The following PDLIM5 variants were observed in gnomAD, a reference collection of about 807,000 sequenced individuals.
PDLIM5 encodes PDZ and LIM domain protein 5.
Under a neutral mutation model 64.2 loss-of-function variants are expected in PDLIM5, and 34 were observed. That is an observed-to-expected ratio of 0.53 (90% CI 0.40 to 0.71). The LOEUF (loss-of-function observed/expected upper bound fraction) is 0.71, where lower values mean the gene tolerates loss of function less well. PDLIM5 is among the 30% of genes least tolerant of loss of function. PDLIM5 has a pLI of 0.00. For missense variants in PDLIM5, 683 were observed against 733.6 expected, an observed-to-expected ratio of 0.93 and a Z score of 0.80; for synonymous variants, 253 against 269.1, an observed-to-expected ratio of 0.94 and a Z score of 0.59.
intron 7 of PDLIM5, among the ~76,000 whole-genome samples, chr4:94,596,760 C>G (rs964337112): frequency 2.5e-5 from 3 of 119,712 alleles, no homozygotes; most frequent in African/African-American, 8.1e-5. Context: ...GAAAATTGAA[C>G]CAATATATTA....
intron 5 of PDLIM5, among the ~76,000 whole-genome samples, chr4:94,583,832 A>G (rs773792663): frequency 6.6e-6 from 1 of 152,194 alleles, no homozygotes; most frequent in Admixed American, 6.5e-5. Context: ...CATTATGATG[A>G]TCATTACCTC....
In PDLIM5 at chr4:94,537,881, G is replaced by A. The variant is rs7683923; in HGVS notation, c.248+14006G>A. Among the ~76,000 whole-genome samples the A allele has an allele frequency of 5.7e-3, 874 of 152,206 alleles. 6 individuals carry two copies. The highest frequency in any genetic ancestry group is 0.02 in the African/African-American group (827 of 41,530). ...TCTTTTTAAGTACAGAAATTTTAAA[G>A]TATTTTTATTGCTCAGTAATTATAA... On this transcript the variant is annotated intron_variant, in intron 3 of 12. Transcript: ENST00000317968.
rs148840870 is a variant in PDLIM5, at chr4:94,523,640, G to A, written c.97-84G>A. On this transcript the variant is annotated intron_variant, in intron 2 of 12. Coordinates refer to ENST00000317968, the MANE Select transcript of PDLIM5 (RefSeq NM_006457.5). ...TTCAATAGTATATTAATATACTTTTGGTATAAGCAAAAGTATAATTTTTAT... is the reference window on the plus strand; with the variant it reads ...TTCAATAGTATATTAATATACTTTTAGTATAAGCAAAAGTATAATTTTTAT... 73 of 962,606 alleles carry A rather than the reference G, an allele frequency of 7.6e-5. No individual in the cohort carries two copies. The East Asian group carries it at 1.6e-3, about 21-fold the overall frequency. The allele number at this position is 962,606 out of a possible 1,614,324, so 59.6% of individuals were successfully genotyped here.
rs1271312876 is a variant in PDLIM5, at chr4:94,455,262, G to A, written c.-27G>A. 7.4e-7 allele frequency: 1 copy of A among 1,359,558 alleles called. No individual in the cohort carries two copies. The highest frequency in any genetic ancestry group is 2.3e-5 in the East Asian group (1 of 43,604). 84.2% of individuals were successfully genotyped at this position (1,359,558 alleles called of 1,614,324 possible). A position where few individuals can be genotyped will look rare whatever the true frequency, so the allele number is the denominator to read the frequency against. On this transcript the variant is annotated 5_prime_UTR_variant, in exon 2 of 13. Coordinates refer to ENST00000317968, the MANE Select transcript of PDLIM5 (RefSeq NM_006457.5). ...TCTTTCACAGCATATTTCATTTTCT[G>A]TCATTGGACTTTGAGCCATTAGAAC... is the stretch of plus-strand genomic sequence containing the variant.
At chr4:94,456,563 T>C in intron 2 of PDLIM5, 2 of 715,620 alleles carry the variant, frequency 2.8e-6, no homozygotes, top group East Asian at 5.4e-5. Context: ...TATTAATATA[T>C]AAGGAGGTAT....
At chr4:94,526,528 G>A (rs1323657353) in intron 3 of PDLIM5, among the ~76,000 whole-genome samples, 1 of 152,110 alleles carries the variant, frequency 6.6e-6, no homozygotes, top group Admixed American at 6.6e-5. Context: ...GGTAATGTCA[G>A]CCTGTTTTGA....
intron 2 of PDLIM5, among the ~76,000 whole-genome samples, chr4:94,482,697 T>A (rs576360212): frequency 1.3e-5 from 2 of 152,186 alleles, no homozygotes; most frequent in South Asian, 4.1e-4. Context: ...GAGACCAGCC[T>A]GAGCAACATA....
In PDLIM5 at chr4:94,607,469, A is replaced by G. The variant is rs181083687; in HGVS notation, c.921-10535A>G. On this transcript the variant is annotated intron_variant, in intron 7 of 12. Transcript: ENST00000317968. ...AGAAAATTAAAGTAAAGAATACTCA[A>G]AACCCTACGATTGCATGCCACCATC... is the stretch of plus-strand genomic sequence containing the variant. Among the ~76,000 whole-genome samples the G allele has an allele frequency of 1.9e-3, 285 of 152,326 alleles. 1 individual carries two copies. Among genetic ancestry groups the G allele is most frequent in the African/African-American group, 6.7e-3 (277 of 41,564 alleles).
At chr4:94,639,673 G>A (rs1740843781) in intron 8 of PDLIM5, among the ~76,000 whole-genome samples, 1 of 152,136 alleles carries the variant, frequency 6.6e-6, no homozygotes, top group Non-Finnish European at 1.5e-5. Flanking sequence ...AATACATTGG[G>A]ATTTTTAATA....
At chr4:94,549,742 A>G (rs1732640932) in intron 3 of PDLIM5, 1 of 152,140 alleles carries the variant, frequency 6.6e-6, no homozygotes, top group South Asian at 2.1e-4. Context: ...TCTGTGCTCA[A>G]TTAACATATT....
chr4:94,549,300 G>T (rs1212743718), intron 3 of PDLIM5, among the ~76,000 whole-genome samples: 1 of 152,026 alleles, frequency 6.6e-6, no homozygotes, highest in Non-Finnish European at 1.5e-5. Context: ...TCTCTGTCTC[G>T]ATGTATGCAT....
intron 12 of PDLIM5, 140 bp downstream of exon 12, chr4:94,662,677 G>A (rs1040338549): frequency 3.7e-5 from 17 of 458,870 alleles, no homozygotes; most frequent in Middle Eastern, 4.4e-4. Context: ...TGTAAATTTC[G>A]AAAGTTGTTT....
At chr4:94,647,393 A>G (rs556772536) in intron 9 of PDLIM5, among the ~76,000 whole-genome samples, 1 of 152,314 alleles carries the variant, frequency 6.6e-6, no homozygotes, top group Non-Finnish European at 1.5e-5. Flanking sequence ...AAAAAAAATT[A>G]CTAGAGACAG....
chr4:94,554,482 TCATA>T (rs1445840435), intron 3 of PDLIM5, among the ~76,000 whole-genome samples: 1 of 152,188 alleles, frequency 6.6e-6, no homozygotes, highest in Non-Finnish European at 1.5e-5. Flanking sequence ...GTACATACGT[TCATA>T]CATATATATA....
intron 2 of PDLIM5, among the ~76,000 whole-genome samples, chr4:94,499,570 A>G (rs1727721578): frequency 6.6e-6 from 1 of 152,236 alleles, no homozygotes; most frequent in African/African-American, 2.4e-5. Flanking sequence ...ATGACAAGTA[A>G]TCCAGAGATG....
intron 3 of PDLIM5, chr4:94,550,024 T>G (rs1275630457): frequency 6.6e-6 from 1 of 152,130 alleles, no homozygotes; most frequent in African/African-American, 2.4e-5. Context: ...TTTATATAGT[T>G]CCTTACATAA....
At chr4:94,658,511 C>T (rs1272616504) in intron 11 of PDLIM5, among the ~76,000 whole-genome samples, 1 of 152,190 alleles carries the variant, frequency 6.6e-6, no homozygotes, top group Non-Finnish European at 1.5e-5. Flanking sequence ...TTTATTGTGC[C>T]TCTATTCACT....
chr4:94,468,829 A>G (rs565379377), intron 2 of PDLIM5, among the ~76,000 whole-genome samples: 3 of 152,328 alleles, frequency 2.0e-5, no homozygotes, highest in Non-Finnish European at 1.5e-5. Context: ...TGTCAGAGCC[A>G]TAAGAAGAGG....
chr4:94,592,749 C>T (rs1736764943), intron 7 of PDLIM5, among the ~76,000 whole-genome samples: 1 of 152,168 alleles, frequency 6.6e-6, no homozygotes, highest in African/African-American at 2.4e-5. Context: ...GCCTCAGCCT[C>T]CCAAGTAGCT....
Sources: gnomAD v4.1 joint callset for allele counts (sites outside exome capture counted in the v4.1 genomes callset) on GRCh38, gnomAD v4.1.1 for gene constraint, MANE v1.5 for transcripts, NCBI Gene and HGNC (gene_info 2026-07-23, HGNC 2026-07-21) for gene names.